Variants in DLGAP3 observed in about 807,000 individuals in gnomAD.
DLGAP3 encodes DLG associated protein 3.
In DLGAP3, 17 loss-of-function variants were observed where a neutral mutation model predicts 81.2. The ratio of observed to expected loss-of-function variants is 0.21; its 90% CI spans 0.14 to 0.31. The LOEUF is 0.31. Ranked by LOEUF, DLGAP3 falls within the 10% of genes least tolerant of loss-of-function variation. The pLI is 1.00. For missense variants in DLGAP3, 1,124 were observed against 1,388.0 expected, an observed-to-expected ratio of 0.81 and a Z score of 3.02; for synonymous variants, 577 against 587.4, an observed-to-expected ratio of 0.98 and a Z score of 0.26.
intron 1 of DLGAP3, among the ~76,000 whole-genome samples, chr1:34,908,202 C>T (rs1639588226): frequency 6.6e-6 from 1 of 152,218 alleles, no homozygotes; most frequent in South Asian, 2.1e-4. Context: ...TGCCCAGGGC[C>T]AGTCCTTAAT....
rs1408750471 is a variant in DLGAP3, at chr1:34,929,195, G to C, written c.-135+256C>G. Among the ~76,000 whole-genome samples, 1 of 151,820 alleles carries C rather than the reference G, an allele frequency of 6.6e-6. No individual in the cohort carries two copies. Among genetic ancestry groups the C allele is most frequent in the Non-Finnish European group, 1.5e-5 (1 of 67,796 alleles). On this transcript the variant is annotated intron_variant, in intron 1 of 11. Transcript: ENST00000373347. The surrounding 1 kb of genome is among the most constrained non-coding windows in gnomAD (Gnocchi z 6.5). ...TGGGCCGGGGCTGGCCTGTCCCCGC[G>C]GCCCTGACCGGGAGCGTGGGTCCGC...
rs1158013873 is a variant in DLGAP3, at chr1:34,868,724, G to T, written c.2366C>A (p.Ser789Tyr). Residue 789 changes from serine to tyrosine, a missense_variant, in exon 9 of 12, where the codon TCC (serine) becomes TAC (tyrosine). Coordinates refer to ENST00000373347, the MANE Select transcript of DLGAP3 (RefSeq NM_001080418.3). The surrounding 1 kb of genome is among the most constrained non-coding windows in gnomAD (Gnocchi z 7.5). The part of the protein sequence containing the change: ...SRSLPDSGRA[S>Y]PCPRDGEWFI... The stretch of plus-strand genomic sequence containing the variant: ...CCACTCGCCGTCGCGTGGGCAGGGG[G>T]ATGCGCGGCCTGAGTCGGGGAGGCT... The T allele has an allele frequency of 1.2e-6, 2 of 1,610,118 alleles. No individual in the cohort carries two copies. The highest frequency in any genetic ancestry group is 1.7e-5 in the Admixed American group (1 of 60,026).
chr1:34,900,396 G>A lies in DLGAP3; in HGVS notation c.1108-123C>T, dbSNP rs910861003. On this transcript the variant is annotated intron_variant, in intron 3 of 11. Transcript: ENST00000373347. The surrounding 1 kb of genome is among the most constrained non-coding windows in gnomAD (Gnocchi z 5.6). ...CTTGAACAGGCACACTCAGGTACAT[G>A]CAGAGGCAGAAGGGGAGGTAGGGTC... 3.1e-5 allele frequency: 31 copies of A among 1,001,604 alleles called. No homozygotes were observed. Among genetic ancestry groups the A allele is most frequent in the East Asian group, 4.9e-5 (2 of 40,562 alleles). 62.0% of individuals were successfully genotyped at this position (1,001,604 alleles called of 1,614,324 possible). A position where few individuals can be genotyped will look rare whatever the true frequency, so the allele number is the denominator to read the frequency against.
chr1:34,870,319 A>T (rs568203297), intron 8 of DLGAP3, among the ~76,000 whole-genome samples: 1 of 152,214 alleles, frequency 6.6e-6, no homozygotes, highest in Admixed American at 6.5e-5. Context: ...GAGGTGGGGG[A>T]TAAACAGAAG....
intron 8 of DLGAP3, among the ~76,000 whole-genome samples, chr1:34,884,741 G>C (rs565293642): frequency 6.6e-6 from 1 of 152,058 alleles, no homozygotes; most frequent in Non-Finnish European, 1.5e-5. Flanking sequence ...TGTATCTCCC[G>C]TCTGCCTCTG....
intron 1 of DLGAP3, among the ~76,000 whole-genome samples, chr1:34,913,345 A>T (rs1639667372): frequency 1.3e-5 from 2 of 152,156 alleles, no homozygotes; most frequent in Non-Finnish European, 2.9e-5. Context: ...TGAATAACCC[A>T]CACTACCTAT....
chr1:34,872,667 G>T (rs950554145), intron 8 of DLGAP3, among the ~76,000 whole-genome samples: 4 of 152,180 alleles, frequency 2.6e-5, no homozygotes, highest in African/African-American at 9.7e-5. Context: ...TTTTATAAAT[G>T]AAAGAGGGAG....
At position 34,905,046 on chromosome 1, in the gene DLGAP3, C is replaced by T. The variant is rs1639522846; in HGVS notation, c.338G>A (p.Gly113Asp). The change falls in exon 3 of 12, where the codon GGT becomes GAT. Residue 113 changes from glycine (G) to aspartate (D), a missense_variant. Physicochemically the swap from Gly to Asp is moderately conservative, Grantham distance 94. Transcript: ENST00000373347. Reference protein sequence around the residue: ...EDCVGHPQGKGAPRLPPTLLD... With the variant: ...EDCVGHPQGKDAPRLPPTLLD... The stretch of plus-strand genomic sequence containing the variant: ...GAGTGTAGGAGGCAGGCGGGGGGCA[C>T]CCTTGCCCTGTGGGTGGCCCACACA... The T allele has an allele frequency of 6.2e-7, 1 of 1,601,220 alleles. No homozygotes were observed. Among genetic ancestry groups the T allele is most frequent in the Non-Finnish European group, 8.5e-7 (1 of 1,174,038 alleles).
At chr1:34,891,083 C>T (rs1639304468) in intron 5 of DLGAP3, among the ~76,000 whole-genome samples, 1 of 152,132 alleles carries the variant, frequency 6.6e-6, no homozygotes, top group Non-Finnish European at 1.5e-5. Flanking sequence ...GACTCTAAAG[C>T]AGGACAAACT....
chr1:34,892,485 T>G (rs965012402), intron 5 of DLGAP3, among the ~76,000 whole-genome samples: 18 of 152,210 alleles, frequency 1.2e-4, no homozygotes, highest in African/African-American at 4.3e-4. Flanking sequence ...ACTTTCCTTT[T>G]GTTTTTGTTC....
At chr1:34,877,864 A>G (rs888320949) in intron 8 of DLGAP3, among the ~76,000 whole-genome samples, 4 of 152,270 alleles carry the variant, frequency 2.6e-5, no homozygotes, top group Non-Finnish European at 5.9e-5. Context: ...TCAGTTCAAC[A>G]TAAGATAAAA....
chr1:34,872,430 G>A (rs540565115), intron 8 of DLGAP3, among the ~76,000 whole-genome samples: 2 of 152,232 alleles, frequency 1.3e-5, no homozygotes, highest in South Asian at 4.2e-4. Context: ...AGAAGAGAAT[G>A]TACTGTTAAA....
intron 3 of DLGAP3, among the ~76,000 whole-genome samples, chr1:34,903,723 A>T (rs1557488114): frequency 6.6e-6 from 1 of 152,052 alleles, no homozygotes; most frequent in Non-Finnish European, 1.5e-5. Flanking sequence ...GACACATGAA[A>T]CTCCCAGGAC....
At chr1:34,878,103 G>A (rs1048181584) in intron 8 of DLGAP3, among the ~76,000 whole-genome samples, 3 of 152,110 alleles carry the variant, frequency 2.0e-5, no homozygotes, top group Non-Finnish European at 4.4e-5. Context: ...TCAGGAGTTC[G>A]CGACCAGCCT....
chr1:34,867,842 CA>C lies in DLGAP3; in HGVS notation c.2486-216del, dbSNP rs947868565. ...CCTCAGACACTGATGTTCCCTCCTT[CA>C]TACAGCCTACATTTCTTGAGTGCTC... On this transcript the variant is annotated intron_variant, in intron 9 of 11. Transcript: ENST00000373347. This position sits in a 1 kb window ranked among gnomAD's most constrained non-coding sequence, Gnocchi z 4.3. Among the ~76,000 whole-genome samples the C allele has an allele frequency of 1.1e-4, 16 of 152,272 alleles. No individual in the cohort carries two copies. Among genetic ancestry groups the C allele is most frequent in the African/African-American group, 3.4e-4 (14 of 41,544 alleles).
Position 34,904,618 on chromosome 1 carries a change from T to G in DLGAP3, c.766A>C (p.Lys256Gln). 1 of 1,614,210 alleles carries G rather than the reference T, an allele frequency of 6.2e-7. No homozygotes were observed. Among genetic ancestry groups the G allele is most frequent in the South Asian group, 1.1e-5 (1 of 91,090 alleles). The change falls in exon 3 of 12, where the codon AAG becomes CAG. Residue 256 changes from lysine (K) to glutamine (Q), a missense_variant. Coordinates refer to ENST00000373347, the MANE Select transcript of DLGAP3 (RefSeq NM_001080418.3). This position sits in a 1 kb window ranked among gnomAD's most constrained non-coding sequence, Gnocchi z 8.1. ...TCGGAACTCCACCAGCCTGTGGACT[T>G]GGCCTGGTGCCGCCCATCCCCCTTG... is the stretch of plus-strand genomic sequence containing the variant. ...DRKGDGRHQA[K>Q]STGWWSSDDN...
In DLGAP3 at chr1:34,885,187, G is replaced by A. The variant is rs1449077651; in HGVS notation, c.1915-124C>T. On this transcript the variant is annotated intron_variant, in intron 7 of 11. Transcript: ENST00000373347. Reference sequence around the variant, plus strand: ...CAGGTCCTGCAAAGACCATCTGCCTGAACAAGATGAGAGACCCAGGCGGTC... The same window carrying A: ...CAGGTCCTGCAAAGACCATCTGCCTAAACAAGATGAGAGACCCAGGCGGTC... The A allele has an allele frequency of 5.1e-6, 5 of 976,630 alleles. No individual in the cohort carries two copies. In the Admixed American group the frequency reaches 6.0e-5, roughly 12 times the overall value. 60.5% of individuals were successfully genotyped at this position (976,630 alleles called of 1,614,324 possible).
intron 8 of DLGAP3, among the ~76,000 whole-genome samples, chr1:34,871,496 C>T (rs1638980413): frequency 6.6e-6 from 1 of 152,222 alleles, no homozygotes; most frequent in Non-Finnish European, 1.5e-5. Flanking sequence ...AGATTGTTCT[C>T]TTTCTGGTGA....
At position 34,900,962 on chromosome 1, in the gene DLGAP3, G is replaced by A. The variant is rs898223812; in HGVS notation, c.1108-689C>T. ...GATTAGACGTGGGGGATGAGGGGGCGGGAGGAGTCGAGGATGACTGCCAGG... is the reference window on the plus strand; with the variant it reads ...GATTAGACGTGGGGGATGAGGGGGCAGGAGGAGTCGAGGATGACTGCCAGG... On this transcript the variant is annotated intron_variant, in intron 3 of 11. Transcript: ENST00000373347. This position sits in a 1 kb window ranked among gnomAD's most constrained non-coding sequence, Gnocchi z 5.6. 1.3e-5 allele frequency among the ~76,000 whole-genome samples: 2 copies of A among 152,106 alleles called. No individual in the cohort carries two copies. Among genetic ancestry groups the A allele is most frequent in the South Asian group, 2.1e-4 (1 of 4,820 alleles).
Sources: allele counts gnomAD v4.1 joint callset (sites outside exome capture counted in the v4.1 genomes callset), GRCh38; gene constraint gnomAD v4.1.1; non-coding constraint Gnocchi (gnomAD v3.1); transcripts MANE v1.5; gene names NCBI Gene and HGNC (gene_info 2026-07-23, HGNC 2026-07-21).